INPP4B: variants seen among roughly 807,000 people sequenced by gnomAD.
INPP4B encodes inositol polyphosphate 4-phosphatase type II.
Under a neutral mutation model 122.5 loss-of-function variants are expected in INPP4B, and 55 were observed. The ratio of observed to expected loss-of-function variants is 0.45; its 90% CI spans 0.36 to 0.56. INPP4B has a LOEUF of 0.56. Among genes scored for constraint, INPP4B ranks in the 20% least tolerant of loss-of-function variants. The pLI, the probability that INPP4B is intolerant of heterozygous loss-of-function variation, is 0.00. For missense variants in INPP4B, 1,000 were observed against 1,097.7 expected, an observed-to-expected ratio of 0.91 and a Z score of 1.26; for synonymous variants, 403 against 388.7, an observed-to-expected ratio of 1.04 and a Z score of -0.43.
intron 1 of INPP4B, among the ~76,000 whole-genome samples, chr4:142,823,269 C>G (rs577803744): frequency 6.6e-6 from 1 of 152,126 alleles, no homozygotes; most frequent in Non-Finnish European, 1.5e-5. Context: ...TTTGTAGTAG[C>G]ATAATATAGT....
At chr4:142,085,948 G>A (rs764382959) in intron 24 of INPP4B, among the ~76,000 whole-genome samples, 196 bp downstream of exon 24, 4 of 152,182 alleles carry the variant, frequency 2.6e-5, no homozygotes, top group Non-Finnish European at 5.9e-5. Flanking sequence ...TCTTTCTTAA[G>A]TGCATCTTCT....
At chr4:142,640,080 A>T (rs1332417410) in intron 2 of INPP4B, among the ~76,000 whole-genome samples, 1 of 152,184 alleles carries the variant, frequency 6.6e-6, no homozygotes. Context: ...TAGAAAGGAT[A>T]CGAGGGCAAC....
At chr4:142,100,385 C>T (rs1257494133) in intron 23 of INPP4B, among the ~76,000 whole-genome samples, 1 of 152,128 alleles carries the variant, frequency 6.6e-6, no homozygotes, top group Non-Finnish European at 1.5e-5. Context: ...CAGTCCTCAA[C>T]AACACTCTAG....
intron 7 of INPP4B, among the ~76,000 whole-genome samples, chr4:142,392,645 C>T (rs1353417361): frequency 3.3e-5 from 5 of 152,138 alleles, no homozygotes; most frequent in African/African-American, 7.2e-5. Flanking sequence ...GTAAAAGAGG[C>T]AATGATTAGA....
intron 2 of INPP4B, among the ~76,000 whole-genome samples, chr4:142,638,529 T>C (rs1189355972): frequency 6.7e-6 from 1 of 149,200 alleles, no homozygotes; most frequent in Non-Finnish European, 1.5e-5. Context: ...GTTCCATTGA[T>C]TTTAGTTGTC....
At chr4:142,489,840 T>C (rs567377523) in intron 2 of INPP4B, among the ~76,000 whole-genome samples, 2 of 152,322 alleles carry the variant, frequency 1.3e-5, no homozygotes, top group African/African-American at 4.8e-5. Flanking sequence ...GTAGAATAGT[T>C]ATGACATCTG....
intron 1 of INPP4B, among the ~76,000 whole-genome samples, chr4:142,788,566 C>CA (rs753694678): frequency 2.0e-5 from 3 of 152,108 alleles, no homozygotes; most frequent in Non-Finnish European, 2.9e-5. Context: ...GTGCACCCAT[C>CA]ACCCAAGCAG....
chr4:142,630,004 G>T (rs1467538323), intron 2 of INPP4B, among the ~76,000 whole-genome samples: 1 of 152,196 alleles, frequency 6.6e-6, no homozygotes, highest in Non-Finnish European at 1.5e-5. Context: ...CTAGACATTT[G>T]CTAGGATTCT....
intron 2 of INPP4B, among the ~76,000 whole-genome samples, chr4:142,629,037 C>G (rs1203528154): frequency 6.6e-6 from 1 of 152,040 alleles, no homozygotes; most frequent in Non-Finnish European, 1.5e-5. Flanking sequence ...AATTAATAAT[C>G]CAGAAACAGA....
At chr4:142,519,899 C>G (rs1364917) in intron 2 of INPP4B, among the ~76,000 whole-genome samples, 26,820 of 151,876 alleles carry the variant, frequency 0.18, 2,608 homozygotes, top group East Asian at 0.39. Flanking sequence ...CTTTTGGATA[C>G]CTGAATAATC....
chr4:142,685,464 T>C (rs897617797), intron 2 of INPP4B, among the ~76,000 whole-genome samples: 4 of 152,174 alleles, frequency 2.6e-5, no homozygotes, highest in Non-Finnish European at 5.9e-5. Flanking sequence ...CACAGTATAG[T>C]TTTTTGATAT....
intron 1 of INPP4B, among the ~76,000 whole-genome samples, chr4:142,780,869 T>C (rs1025267937): frequency 6.6e-6 from 1 of 152,204 alleles, no homozygotes; most frequent in Non-Finnish European, 1.5e-5. Context: ...CCGATCTTAA[T>C]ATACTTCTCA....
intron 10 of INPP4B, among the ~76,000 whole-genome samples, chr4:142,261,048 T>G (rs1739746551): frequency 1.3e-5 from 2 of 152,220 alleles, no homozygotes; most frequent in South Asian, 4.1e-4. Flanking sequence ...CGCAAGCACT[T>G]GCTCAAAAAG....
At chr4:142,559,950 T>G (rs980993862) in intron 2 of INPP4B, among the ~76,000 whole-genome samples, 1 of 152,236 alleles carries the variant, frequency 6.6e-6, no homozygotes, top group Non-Finnish European at 1.5e-5. Context: ...AGAATAGAGC[T>G]AATGCCATTC....
At chr4:142,081,982 A>T (rs762543393) in intron 25 of INPP4B, 49 bp downstream of exon 25, 4 of 1,291,402 alleles carry the variant, frequency 3.1e-6, no homozygotes, top group Non-Finnish European at 4.0e-6. Context: ...AAATAAAAAC[A>T]ACTCAAAATG....
chr4:142,753,644 A>C (rs1033050849), intron 1 of INPP4B, among the ~76,000 whole-genome samples: 3 of 152,070 alleles, frequency 2.0e-5, no homozygotes, highest in African/African-American at 7.2e-5. Context: ...AGCTTCCATA[A>C]ATTTACTTTA....
intron 7 of INPP4B, among the ~76,000 whole-genome samples, chr4:142,334,091 A>G (rs1775676007): frequency 1.3e-5 from 2 of 152,176 alleles, no homozygotes; most frequent in South Asian, 4.2e-4. Context: ...ACTTTTTTAG[A>G]TTCCGCATGT....
chr4:142,405,115 G>C (rs1802936736), intron 6 of INPP4B, 91 bp downstream of exon 6: 1 of 692,110 alleles, frequency 1.4e-6, no homozygotes, highest in Admixed American at 2.2e-5. Context: ...GATGGGGCGG[G>C]GGTGGGGGGG....
At chr4:142,657,758 A>C (rs1688276890) in intron 2 of INPP4B, among the ~76,000 whole-genome samples, 1 of 152,214 alleles carries the variant, frequency 6.6e-6, no homozygotes, top group South Asian at 2.1e-4. Context: ...TGCTGCTTTA[A>C]AATTTCTGAG....
Sources: gnomAD v4.1 joint callset for allele counts (sites outside exome capture counted in the v4.1 genomes callset) on GRCh38, gnomAD v4.1.1 for gene constraint, MANE v1.5 for transcripts, NCBI Gene and HGNC (gene_info 2026-07-23, HGNC 2026-07-21) for gene names.